Variants in ULK4 observed in about 807,000 individuals in gnomAD.
The protein encoded by ULK4 is inactive serine/threonine-protein kinase ULK4.
Under a neutral mutation model 160.6 loss-of-function variants are expected in ULK4, and 133 were observed. That is an observed-to-expected ratio of 0.83 (90% confidence interval 0.72 to 0.96). The LOEUF is 0.96. Ranked by LOEUF, ULK4 falls within the 40% of genes least tolerant of loss-of-function variation. ULK4 has a pLI of 0.00. For missense variants in ULK4, 1,580 were observed against 1,499.5 expected, an observed-to-expected ratio of 1.05 and a Z score of -0.89; for synonymous variants, 534 against 539.8, an observed-to-expected ratio of 0.99 and a Z score of 0.15.
At chr3:41,793,317 C>T (rs1280042307) in intron 20 of ULK4, among the ~76,000 whole-genome samples, 1 of 152,156 alleles carries the variant, frequency 6.6e-6, no homozygotes, top group Non-Finnish European at 1.5e-5. Flanking sequence ...TTCTTACAGT[C>T]TGTTCAATAA....
intron 4 of ULK4, among the ~76,000 whole-genome samples, chr3:41,934,554 A>G (rs1194926015): frequency 1.3e-5 from 2 of 152,194 alleles, no homozygotes; most frequent in Non-Finnish European, 2.9e-5. Flanking sequence ...TAACCTAAAT[A>G]TAATAGGTAA....
intron 35 of ULK4, among the ~76,000 whole-genome samples, chr3:41,305,067 T>C (rs1419979694): frequency 6.6e-6 from 1 of 152,172 alleles, no homozygotes; most frequent in African/African-American, 2.4e-5. Context: ...TCTGGTTATG[T>C]TGCTTAAATG....
At chr3:41,516,559 G>A (rs939199208) in intron 32 of ULK4, among the ~76,000 whole-genome samples, 1 of 152,042 alleles carries the variant, frequency 6.6e-6, no homozygotes, top group Non-Finnish European at 1.5e-5. Context: ...AGGTCATTGG[G>A]TTAAGTGAAA....
intron 30 of ULK4, among the ~76,000 whole-genome samples, chr3:41,641,050 G>C (rs751603291): frequency 6.6e-6 from 1 of 152,190 alleles, no homozygotes; most frequent in Admixed American, 6.5e-5. Context: ...GTTATAAGAT[G>C]CATTGAGTTT....
chr3:41,568,111 A>G (rs2087847044), intron 31 of ULK4, among the ~76,000 whole-genome samples: 1 of 152,240 alleles, frequency 6.6e-6, no homozygotes, highest in African/African-American at 2.4e-5. Flanking sequence ...ACTAAGTGCC[A>G]ACTATTCCAG....
chr3:41,880,833 G>C (rs1334391922), intron 17 of ULK4, among the ~76,000 whole-genome samples: 1 of 152,116 alleles, frequency 6.6e-6, no homozygotes, highest in Non-Finnish European at 1.5e-5. Flanking sequence ...CTGAGGCTGA[G>C]AATCTCTTCA....
chr3:41,506,084 TAG>T (rs2085363239), intron 32 of ULK4, among the ~76,000 whole-genome samples: 1 of 152,206 alleles, frequency 6.6e-6, no homozygotes. Flanking sequence ...AAAACGAAAC[TAG>T]AAATGTCTTT....
chr3:41,493,675 C>G, intron 32 of ULK4, among the ~76,000 whole-genome samples: 1 of 150,512 alleles, frequency 6.6e-6, no homozygotes, highest in East Asian at 1.9e-4. Flanking sequence ...AATTGATAGA[C>G]TGCTAGCAAG....
intron 35 of ULK4, among the ~76,000 whole-genome samples, chr3:41,357,972 T>G (rs2081060088): frequency 6.6e-6 from 1 of 152,172 alleles, no homozygotes; most frequent in African/African-American, 2.4e-5. Context: ...AGAAACCCAT[T>G]CTACAGATGA....
intron 31 of ULK4, among the ~76,000 whole-genome samples, chr3:41,593,515 G>A (rs553119898): frequency 1.3e-4 from 20 of 152,248 alleles, no homozygotes; most frequent in Admixed American, 3.9e-4. Flanking sequence ...ATTCACGGAT[G>A]CTGGAACCAC....
At chr3:41,492,675 G>A (rs1376917303) in intron 32 of ULK4, among the ~76,000 whole-genome samples, 1 of 151,928 alleles carries the variant, frequency 6.6e-6, no homozygotes, top group African/African-American at 2.4e-5. Context: ...GCTGTATTCA[G>A]GAGACCCATC....
chr3:41,786,786 G>C (rs922029100), intron 21 of ULK4, among the ~76,000 whole-genome samples: 1 of 151,966 alleles, frequency 6.6e-6, no homozygotes, highest in African/African-American at 2.4e-5. Context: ...CTACTACTAA[G>C]TACAGCCAAA....
chr3:41,899,973 C>T (rs747690777), intron 13 of ULK4, among the ~76,000 whole-genome samples: 11 of 151,618 alleles, frequency 7.3e-5, no homozygotes, highest in South Asian at 4.2e-4. Flanking sequence ...TGAATTAATA[C>T]AGAAAAAAAC....
intron 31 of ULK4, among the ~76,000 whole-genome samples, chr3:41,569,076 G>A (rs1254704474): frequency 1.3e-5 from 2 of 152,214 alleles, no homozygotes; most frequent in African/African-American, 2.4e-5. Context: ...GGGAAGAACT[G>A]TGGAGCTTCT....
intron 35 of ULK4, among the ~76,000 whole-genome samples, chr3:41,346,054 G>A (rs2080793127): frequency 6.6e-6 from 1 of 152,048 alleles, no homozygotes; most frequent in South Asian, 2.1e-4. Flanking sequence ...AGGACAGGAT[G>A]CGTGAGAGGC....
chr3:41,279,319 A>G (rs916656344), intron 35 of ULK4, among the ~76,000 whole-genome samples: 1 of 151,938 alleles, frequency 6.6e-6, no homozygotes, highest in Non-Finnish European at 1.5e-5. Context: ...ATGTGAAAAG[A>G]CCAAATCTAC....
chr3:41,695,588 C>T (rs1287703374), intron 27 of ULK4, among the ~76,000 whole-genome samples: 2 of 152,080 alleles, frequency 1.3e-5, no homozygotes, highest in African/African-American at 4.8e-5. Flanking sequence ...AATATCAGCA[C>T]CAAAATAATA....
chr3:41,413,167 T>G (rs1294483514), intron 34 of ULK4, among the ~76,000 whole-genome samples: 1 of 152,048 alleles, frequency 6.6e-6, no homozygotes, highest in Non-Finnish European at 1.5e-5. Flanking sequence ...TAAAAAACCA[T>G]CAGCTCTCGT....
intron 17 of ULK4, among the ~76,000 whole-genome samples, chr3:41,874,522 CA>C (rs1361693846): frequency 6.6e-6 from 1 of 151,996 alleles, no homozygotes; most frequent in Non-Finnish European, 1.5e-5. Context: ...ATTATCCCAC[CA>C]AAAAACATGA....
Sources: gnomAD v4.1 joint callset for allele counts (sites outside exome capture counted in the v4.1 genomes callset) on GRCh38, gnomAD v4.1.1 for gene constraint, MANE v1.5 for transcripts, NCBI Gene and HGNC (gene_info 2026-07-23, HGNC 2026-07-21) for gene names.